CLSPN: variants seen among roughly 807,000 people sequenced by gnomAD.
CLSPN encodes claspin homolog.
CLSPN carries 85 observed loss-of-function variants against 156.3 expected under a neutral mutation model. The ratio of observed to expected loss-of-function variants is 0.54; its 90% CI spans 0.46 to 0.65. CLSPN has a LOEUF of 0.65. Ranked by LOEUF, CLSPN falls within the 30% of genes least tolerant of loss-of-function variation. CLSPN has a pLI of 0.00. For synonymous variants in CLSPN, 534 were observed against 542.4 expected (o/e 0.98, Z 0.22); for missense variants, 1,407 against 1,554.9 (o/e 0.90, Z 1.60).
intron 1 of CLSPN, among the ~76,000 whole-genome samples, chr1:35,766,857 C>G (rs544854701): frequency 2.0e-5 from 3 of 151,772 alleles, no homozygotes; most frequent in Non-Finnish European, 4.4e-5. Context: ...TGGGTTCAAG[C>G]GATTCTCCAG....
At chr1:35,744,587 T>G (rs1641810492) in intron 16 of CLSPN, among the ~76,000 whole-genome samples, 2 of 152,308 alleles carry the variant, frequency 1.3e-5, no homozygotes, top group East Asian at 3.9e-4. Context: ...TGAGCCACCA[T>G]GCCCAGCCAG....
chr1:35,734,792 A>G lies in CLSPN; in HGVS notation c.*1704T>C. 3.0e-6 allele frequency: 3 copies of G among 985,344 alleles called. No homozygotes were observed. The highest frequency in any genetic ancestry group is 3.6e-6 in the Non-Finnish European group (3 of 829,842). The allele number at this position is 985,344 out of a possible 1,614,324, so 61.0% of individuals were successfully genotyped here. A position where few individuals can be genotyped will look rare whatever the true frequency, so the allele number is the denominator to read the frequency against. On this transcript the variant is annotated 3_prime_UTR_variant, in exon 25 of 25. Coordinates refer to ENST00000318121, the MANE Select transcript of CLSPN (RefSeq NM_022111.4). ...AAATTGGTGTTCCCATCTCCCAGTA[A>G]AAAACTGGCACACTCTCTTCCAACT...
At chr1:35,758,562 T>G (rs942308879) in intron 8 of CLSPN, among the ~76,000 whole-genome samples, 9 of 151,966 alleles carry the variant, frequency 5.9e-5, no homozygotes, top group African/African-American at 2.2e-4. Flanking sequence ...GAAGAATTGC[T>G]TGAACCCAGG....
chr1:35,767,732 A>G (rs910658148), intron 1 of CLSPN, among the ~76,000 whole-genome samples: 1 of 152,218 alleles, frequency 6.6e-6, no homozygotes, highest in Non-Finnish European at 1.5e-5. Context: ...CCAAAATCCA[A>G]AATGAATCTG....
At position 35,734,677 on chromosome 1, in the gene CLSPN, CAAAAAAAAAAAAA is replaced by C; in HGVS notation, c.*1806_*1818del. The C allele has an allele frequency of 1.5e-6, 1 of 661,802 alleles. No homozygotes were observed. Among genetic ancestry groups the C allele is most frequent in the Non-Finnish European group, 1.8e-6 (1 of 550,018 alleles). 41.0% of individuals were successfully genotyped at this position (661,802 alleles called of 1,614,324 possible). A position where few individuals can be genotyped will look rare whatever the true frequency, so the allele number is the denominator to read the frequency against. On this transcript the variant is annotated 3_prime_UTR_variant, in exon 25 of 25. Coordinates refer to ENST00000318121, the MANE Select transcript of CLSPN (RefSeq NM_022111.4). ...TAGGTGACAGAGCCAGCCTATGTCT[CAAAAAAAAAAAAA>C]GAAAAGAAAAGAAAAGAAAAAGAAA...
At chr1:35,748,719 G>T in intron 12 of CLSPN, 115 bp from the exon 13 acceptor site, 1 of 722,996 alleles carries the variant, frequency 1.4e-6, no homozygotes, top group Non-Finnish European at 2.4e-6. Context: ...AACCCCTCAA[G>T]TTATATGTTC....
At chr1:35,725,128 G>A (rs1641148089) in intron 24 of CLSPN, among the ~76,000 whole-genome samples, 1 of 152,120 alleles carries the variant, frequency 6.6e-6, no homozygotes, top group Non-Finnish European at 1.5e-5. Flanking sequence ...GGCTCCGAGG[G>A]AACTTCAGAG....
chr1:35,764,524 T>G lies in CLSPN; in HGVS notation c.324A>C (p.Ala108=), dbSNP rs1363460442. 6.2e-7 allele frequency: 1 copy of G among 1,613,910 alleles called. No individual in the cohort carries two copies. Among genetic ancestry groups the G allele is most frequent in the South Asian group, 1.1e-5 (1 of 91,042 alleles). The change falls in exon 3 of 25, where the codon GCA becomes GCC. Residue 108 remains alanine, a synonymous_variant. Coordinates refer to ENST00000318121, the MANE Select transcript of CLSPN (RefSeq NM_022111.4). ...TKIKRIYKTV[A]DSDESYMEKS... is the part of the protein sequence containing the mutation. Reference sequence around the variant, plus strand: ...TTTCCATGTAACTTTCATCACTGTCTGCCACAGTTTTGTAAATCCTTTTGA... The same window carrying G: ...TTTCCATGTAACTTTCATCACTGTCGGCCACAGTTTTGTAAATCCTTTTGA...
At position 35,738,598 on chromosome 1, in the gene CLSPN, A is replaced by C. The variant is rs769680560; in HGVS notation, c.3431-16T>G. 4.3e-6 allele frequency: 7 copies of C among 1,613,608 alleles called. No homozygotes were observed. Among genetic ancestry groups the C allele is most frequent in the Non-Finnish European group, 5.1e-6 (6 of 1,179,778 alleles). On this transcript the variant is annotated splice_polypyrimidine_tract_variant and intron_variant, in intron 20 of 24. Transcript: ENST00000318121. ...GAAGCATCATCTAAACAAAGAGTGA[A>C]GGTAATCAGCATTCGGCAGTCCTCA...
At position 35,736,548 on chromosome 1, in the gene CLSPN, T is replaced by C. The variant is rs1641481005; in HGVS notation, c.3968A>G (p.Asp1323Gly). ...TSPSPKHLKT[D>G]DSTSGLTRSI... The stretch of plus-strand genomic sequence containing the variant: ...TCGCGTCAATCCTGAAGTGCTATCA[T>C]CTGTTTTGAGGTGCTTAGGTGAAGG... Residue 1323 changes from aspartate to glycine, a missense_variant, in exon 25 of 25, where the codon GAT becomes GGT. By Grantham distance (94) the Asp-to-Gly change is moderately conservative. Transcript: ENST00000318121. 1 of 1,612,308 alleles carries C rather than the reference T, an allele frequency of 6.2e-7. No homozygotes were observed. Among genetic ancestry groups the C allele is most frequent in the Non-Finnish European group, 8.5e-7 (1 of 1,179,314 alleles).
In CLSPN at chr1:35,751,379, C is replaced by T; in HGVS notation, c.1899G>A (p.Glu633=). ...DNEDGFEEEE[E]EEEEMTDESE... ...ACTCATCTGTCATTTCTTCCTCTTC[C>T]TCCTCCTCTTCCTCAAACCCATCTT... Residue 633 remains glutamate (E), a synonymous_variant, in exon 10 of 25, where the codon GAG becomes GAA. Coordinates refer to ENST00000318121, the MANE Select transcript of CLSPN (RefSeq NM_022111.4). The T allele has an allele frequency of 6.2e-7, 1 of 1,610,250 alleles. No individual in the cohort carries two copies. Among genetic ancestry groups the T allele is most frequent in the East Asian group, 2.2e-5 (1 of 44,838 alleles).
Position 35,745,459 on chromosome 1 carries a change from G to C in CLSPN, c.2958C>G (p.Pro986=), listed in dbSNP as rs745745300. The C allele has an allele frequency of 2.5e-6, 4 of 1,610,610 alleles. No individual in the cohort carries two copies. The Admixed American group carries it at 5.0e-5, about 20-fold the overall frequency. ...AGCAATCTGAGACTTACTTGTCTGT[G>C]GGAAAAGAGCCTGAGCAAAGAGCAA... ...EALALCSGSF[P]TDKEEEDEEE... Residue 986 remains proline, a synonymous_variant, in exon 16 of 25, where the codon CCC becomes CCG. Transcript: ENST00000318121.
rs1641375770 is a variant in CLSPN, at chr1:35,733,619, A to C, written c.*2877T>G. On this transcript the variant is annotated 3_prime_UTR_variant, in exon 25 of 25. Transcript: ENST00000318121. ...AGAGAGTTCAAAGAAAGAGGCAAAA[A>C]CATGTATCTTGAACCCATGGATAAA... is the stretch of plus-strand genomic sequence containing the variant. 1 of 985,278 alleles carries C rather than the reference A, an allele frequency of 1.0e-6. No homozygotes were observed. The highest frequency in any genetic ancestry group is 4.7e-5 in the South Asian group (1 of 21,292). 61.0% of individuals were successfully genotyped at this position (985,278 alleles called of 1,614,324 possible).
At chr1:35,738,122 AT>A in intron 21 of CLSPN, 25 bp from the exon 22 acceptor site, 1 of 421,462 alleles carries the variant, frequency 2.4e-6, no homozygotes, top group Non-Finnish European at 3.2e-6. Context: ...AAATATATAT[AT>A]ATATATATAT....
chr1:35,736,812 C>T (rs964228831), intron 24 of CLSPN, 102 bp downstream of exon 24: 6 of 1,376,674 alleles, frequency 4.4e-6, no homozygotes, highest in Admixed American at 4.4e-5. Context: ...AAGATTTCAA[C>T]ATTGCAGCAT....
chr1:35,730,849 G>A (rs1272804056), downstream of CLSPN, among the ~76,000 whole-genome samples: 2 of 152,030 alleles, frequency 1.3e-5, no homozygotes, highest in Non-Finnish European at 2.9e-5. Context: ...GGGCGACAGA[G>A]CGAGAATCCA....
At chr1:35,756,840 A>G (rs1048930813) in intron 8 of CLSPN, among the ~76,000 whole-genome samples, 1 of 152,096 alleles carries the variant, frequency 6.6e-6, no homozygotes, top group Non-Finnish European at 1.5e-5. Context: ...ATCCACCACA[A>G]CAGCTACCAG....
chr1:35,736,079 G>A lies in CLSPN; in HGVS notation c.*417C>T, dbSNP rs182540073. 500 of 544,222 alleles carry A rather than the reference G, an allele frequency of 9.2e-4. 2 individuals carry two copies. The African/African-American group carries it at 9.6e-3, about 10-fold the overall frequency. The allele number at this position is 544,222 out of a possible 1,614,324, so 33.7% of individuals were successfully genotyped here. A position where few individuals can be genotyped will look rare whatever the true frequency, so the allele number is the denominator to read the frequency against. On this transcript the variant is annotated 3_prime_UTR_variant, in exon 25 of 25. Transcript: ENST00000318121. Reference sequence around the variant, plus strand: ...CTAAAAATACAAAAATTAGCTGGGCGTATTGGCACATGCCTGTAATCCCAG... The same window carrying A: ...CTAAAAATACAAAAATTAGCTGGGCATATTGGCACATGCCTGTAATCCCAG...
chr1:35,761,254 T>A, intron 6 of CLSPN, 50 bp from the exon 7 acceptor site: 2 of 1,141,256 alleles, frequency 1.8e-6, no homozygotes, highest in Non-Finnish European at 2.6e-6. Context: ...TATTCTGAAA[T>A]GTCACTTCAT....
Sources: gnomAD v4.1 joint callset for allele counts (sites outside exome capture counted in the v4.1 genomes callset) on GRCh38, gnomAD v4.1.1 for gene constraint, MANE v1.5 for transcripts, NCBI Gene and HGNC (gene_info 2026-07-23, HGNC 2026-07-21) for gene names.